The following MAF variants were observed in gnomAD, a reference collection of about 807,000 sequenced individuals.
MAF encodes the protein transcription factor Maf.
Under a neutral mutation model 22.0 loss-of-function variants are expected in MAF, and 10 were observed. That is an observed-to-expected ratio of 0.45 (90% confidence interval 0.28 to 0.77). MAF has a LOEUF of 0.77. Among genes scored for constraint, MAF ranks in the 30% least tolerant of loss-of-function variants. The pLI is 0.12. For synonymous variants in MAF, 337 were observed against 255.8 expected (o/e 1.32, Z -3.03); for missense variants, 544 against 548.4 (o/e 0.99, Z 0.08).
the MAF span, among the ~76,000 whole-genome samples, chr16:79,511,139 T>A: frequency 1.3e-5 from 2 of 152,138 alleles, no homozygotes; most frequent in African/African-American, 4.8e-5. Context: ...TACTTCTGTG[T>A]CTCCTGCAGA....
the MAF span, among the ~76,000 whole-genome samples, chr16:79,322,140 G>T: frequency 6.6e-6 from 1 of 152,140 alleles, no homozygotes; most frequent in South Asian, 2.1e-4. Context: ...GCTGAGGTAG[G>T]AGAATTGCTT....
At chr16:79,450,318 C>T in the MAF span, among the ~76,000 whole-genome samples, 1 of 152,136 alleles carries the variant, frequency 6.6e-6, no homozygotes, top group Non-Finnish European at 1.5e-5. Flanking sequence ...TGCTTTTTAA[C>T]GGATGTTAAC....
chr16:79,584,619 T>A (rs1477293722), downstream of MAF, among the ~76,000 whole-genome samples: 1 of 152,154 alleles, frequency 6.6e-6, no homozygotes, highest in Non-Finnish European at 1.5e-5. Context: ...TGGACCTAGA[T>A]CATCATATTT....
At chr16:79,316,526 T>A in the MAF span, among the ~76,000 whole-genome samples, 111 of 152,298 alleles carry the variant, frequency 7.3e-4, no homozygotes, top group Middle Eastern at 6.8e-3. Context: ...AAATGTTACC[T>A]TCTTTGAATT....
the MAF span, among the ~76,000 whole-genome samples, chr16:79,483,795 G>A: frequency 2.6e-5 from 4 of 152,156 alleles, no homozygotes; most frequent in Non-Finnish European, 5.9e-5. Context: ...TTGAGACCCT[G>A]AGAAAGAATA....
the MAF span, chr16:79,211,560 C>CA: frequency 6.2e-7 from 1 of 1,612,750 alleles, no homozygotes; most frequent in South Asian, 1.1e-5. Flanking sequence ...GCCATCTCAT[C>CA]ACTCCTTTTC....
the MAF span, among the ~76,000 whole-genome samples, chr16:79,453,639 T>C: frequency 6.4e-4 from 97 of 152,322 alleles, no homozygotes; most frequent in African/African-American, 2.3e-3. Flanking sequence ...ATTTGCTATA[T>C]TCTTTATCCC....
chr16:79,389,126 C>T, the MAF span, among the ~76,000 whole-genome samples: 4 of 152,320 alleles, frequency 2.6e-5, no homozygotes, highest in East Asian at 5.8e-4. Context: ...TTTGAACAGA[C>T]TCAGTCAACC....
At chr16:79,323,147 TAAAAAAAA>T in the MAF span, among the ~76,000 whole-genome samples, 911 of 19,830 alleles carry the variant, frequency 0.046, 29 homozygotes, top group South Asian at 0.15. Context: ...AGACTCCATC[TAAAAAAAA>T]AAAAAAAAAA....
At chr16:79,371,561 C>G in the MAF span, among the ~76,000 whole-genome samples, 1 of 152,190 alleles carries the variant, frequency 6.6e-6, no homozygotes, top group Non-Finnish European at 1.5e-5. Flanking sequence ...CACTGGACTC[C>G]TTCCTGCTCC....
At chr16:79,280,686 G>A in the MAF span, among the ~76,000 whole-genome samples, 1 of 152,190 alleles carries the variant, frequency 6.6e-6, no homozygotes, top group Admixed American at 6.5e-5. Flanking sequence ...GGCTCAGGGT[G>A]ATGCTAGACT....
chr16:79,498,596 TC>T, the MAF span, among the ~76,000 whole-genome samples: 1 of 152,126 alleles, frequency 6.6e-6, no homozygotes, highest in Non-Finnish European at 1.5e-5. Flanking sequence ...TCACACCAGC[TC>T]CTTGAGATGG....
the MAF span, among the ~76,000 whole-genome samples, chr16:79,266,073 T>C: frequency 6.6e-6 from 1 of 152,050 alleles, no homozygotes; most frequent in African/African-American, 2.4e-5. Context: ...GAGGTCTCAC[T>C]GTGTTGCCTA....
the MAF span, among the ~76,000 whole-genome samples, chr16:79,278,437 C>T: frequency 1.3e-5 from 2 of 152,200 alleles, no homozygotes; most frequent in Non-Finnish European, 2.9e-5. Flanking sequence ...AAGGTCTCTT[C>T]CCAAGATTTT....
At chr16:79,224,661 G>C in the MAF span, among the ~76,000 whole-genome samples, 1 of 152,180 alleles carries the variant, frequency 6.6e-6, no homozygotes, top group Non-Finnish European at 1.5e-5. Context: ...CTTCAGCAAA[G>C]TCTCAGGATA....
Position 79,594,356 on chromosome 16 carries a change from T to A in MAF, c.*104A>T. 9.8e-7 allele frequency: 1 copy of A among 1,021,468 alleles called. No individual in the cohort carries two copies. Among genetic ancestry groups the A allele is most frequent in the Non-Finnish European group, 1.5e-6 (1 of 668,692 alleles). The allele number at this position is 1,021,468 out of a possible 1,614,324, so 63.3% of individuals were successfully genotyped here. A position where few individuals can be genotyped will look rare whatever the true frequency, so the allele number is the denominator to read the frequency against. On this transcript the variant is annotated 3_prime_UTR_variant, in exon 2 of 2. Transcript: ENST00000326043. ...TTCTTCTCTAACACAGTAATTTTTA[T>A]TTAAAAAGGAGACTAAACAGAAGTC...
chr16:79,502,708 AATAT>A, the MAF span, among the ~76,000 whole-genome samples: 78 of 33,928 alleles, frequency 2.3e-3, no homozygotes, highest in Middle Eastern at 0.024. Flanking sequence ...TATAAATATA[AATAT>A]ATATATATAT....
Position 79,600,596 on chromosome 16 carries a change from CT to C in MAF, c.-695del. ...AGGGGGGAGTTTAGTTCTTTCTTGC[CT>C]TTTTTTAAAAAAGCAAAATAGCGAA... On this transcript the variant is annotated 5_prime_UTR_variant, in exon 1 of 2. Coordinates refer to ENST00000326043, the MANE Select transcript of MAF (RefSeq NM_005360.5). 2 of 196,338 alleles carry C rather than the reference CT, an allele frequency of 1.0e-5. No individual in the cohort carries two copies. The highest frequency in any genetic ancestry group is 2.3e-5 in the Non-Finnish European group (2 of 85,442). 12.2% of individuals were successfully genotyped at this position (196,338 alleles called of 1,614,324 possible). A position where few individuals can be genotyped will look rare whatever the true frequency, so the allele number is the denominator to read the frequency against.
downstream of MAF, among the ~76,000 whole-genome samples, chr16:79,590,997 C>T (rs1299526344): frequency 6.6e-6 from 1 of 152,138 alleles, no homozygotes; most frequent in African/African-American, 2.4e-5. Flanking sequence ...AAAAGGGACT[C>T]TGAACTCCTG....
Sources: allele counts gnomAD v4.1 joint callset (sites outside exome capture counted in the v4.1 genomes callset), GRCh38; gene constraint gnomAD v4.1.1; transcripts MANE v1.5; gene names NCBI Gene and HGNC (gene_info 2026-07-23, HGNC 2026-07-21).